Variants in LHFPL3 observed in about 807,000 individuals in gnomAD.
LHFPL3 encodes the protein LHFPL tetraspan subfamily member 3 protein.
Under a neutral mutation model 19.3 loss-of-function variants are expected in LHFPL3, and 5 were observed. The observed-to-expected ratio is 0.26, with a 90% confidence interval of 0.14 to 0.54. The LOEUF is 0.54. LHFPL3 is among the 20% of genes least tolerant of loss of function. The pLI, the probability that LHFPL3 is intolerant of heterozygous loss-of-function variation, is 0.94. For missense variants in LHFPL3, 249 were observed against 307.4 expected (o/e 0.81, Z 1.42); for synonymous variants, 133 against 126.2 (o/e 1.05, Z -0.36).
intron 1 of LHFPL3, among the ~76,000 whole-genome samples, chr7:104,417,559 G>T (rs919814184): frequency 6.6e-6 from 1 of 152,074 alleles, no homozygotes; most frequent in African/African-American, 2.4e-5. Context: ...GTTTTTTAAA[G>T]AATATATTTA....
At chr7:104,558,621 T>A (rs1789915652) in intron 1 of LHFPL3, among the ~76,000 whole-genome samples, 2 of 151,004 alleles carry the variant, frequency 1.3e-5, no homozygotes, top group African/African-American at 4.9e-5. Context: ...TTCTCCCGTT[T>A]TGTAGGTTGC....
chr7:104,540,739 G>A (rs1794470560), intron 1 of LHFPL3, among the ~76,000 whole-genome samples: 1 of 152,062 alleles, frequency 6.6e-6, no homozygotes, highest in African/African-American at 2.4e-5. Context: ...TCTTTCAGGT[G>A]GGGAAACTGA....
rs1444049670 is a variant in LHFPL3, at chr7:104,845,488, T to C, written c.683-60699T>C. The C allele has an allele frequency of 5.3e-6, 8 of 1,515,314 alleles. No homozygotes were observed. The East Asian group carries it at 2.0e-4, about 38-fold the overall frequency. 93.9% of individuals were successfully genotyped at this position (1,515,314 alleles called of 1,614,324 possible). A position where few individuals can be genotyped will look rare whatever the true frequency, so the allele number is the denominator to read the frequency against. On this transcript the variant is annotated intron_variant, in intron 2 of 2. Coordinates refer to ENST00000424859, the MANE Select transcript of LHFPL3 (RefSeq NM_199000.3). ...TGTTTTGTGCGCTTCTGCCTTCTGT[T>C]CCCGCATGTTTTCTCCGCTGTTTTC...
chr7:104,637,261 T>C (rs1043297529), intron 1 of LHFPL3, among the ~76,000 whole-genome samples: 2 of 152,220 alleles, frequency 1.3e-5, no homozygotes, highest in African/African-American at 4.8e-5. Flanking sequence ...TTTAAGTTCC[T>C]CATAGATTCT....
intron 1 of LHFPL3, among the ~76,000 whole-genome samples, chr7:104,731,208 G>C (rs1051545569): frequency 6.6e-6 from 1 of 152,164 alleles, no homozygotes; most frequent in Non-Finnish European, 1.5e-5. Context: ...TTTTGGCTTA[G>C]GATTGACTTG....
chr7:104,466,492 A>C lies in LHFPL3; in HGVS notation c.445+137268A>C, dbSNP rs80095325. 5.4e-3 allele frequency among the ~76,000 whole-genome samples: 828 copies of C among 152,338 alleles called. 48 individuals carry two copies. The East Asian group carries it at 0.13, about 24-fold the overall frequency. ...ACGTATATTGGTGCTACTACTAAAA[A>C]TATCTAGTAACTGGAAAATAATCTG... On this transcript the variant is annotated intron_variant, in intron 1 of 2. Coordinates refer to ENST00000424859, the MANE Select transcript of LHFPL3 (RefSeq NM_199000.3).
intron 2 of LHFPL3, among the ~76,000 whole-genome samples, chr7:104,811,837 C>T (rs1358105459): frequency 2.0e-5 from 3 of 152,178 alleles, no homozygotes; most frequent in Non-Finnish European, 4.4e-5. Context: ...TTATTGCTGT[C>T]ACCTCTAGCT....
intron 1 of LHFPL3, among the ~76,000 whole-genome samples, chr7:104,588,193 T>C (rs1584420520): frequency 1.3e-5 from 2 of 152,328 alleles, no homozygotes; most frequent in African/African-American, 4.8e-5. Context: ...TCCTTGCCCA[T>C]GCCTATGTCC....
chr7:104,398,221 G>T (rs1562885733), intron 1 of LHFPL3, among the ~76,000 whole-genome samples: 1 of 152,168 alleles, frequency 6.6e-6, no homozygotes, highest in Non-Finnish European at 1.5e-5. Flanking sequence ...CAAGTTCATG[G>T]TACTCTTTCC....
At chr7:104,444,414 A>G (rs1458909938) in intron 1 of LHFPL3, among the ~76,000 whole-genome samples, 1 of 152,204 alleles carries the variant, frequency 6.6e-6, no homozygotes, top group Non-Finnish European at 1.5e-5. Flanking sequence ...TGCCTTGAAC[A>G]TGTTTTAGAA....
chr7:104,894,129 C>G (rs954549524), intron 2 of LHFPL3, among the ~76,000 whole-genome samples: 1 of 152,104 alleles, frequency 6.6e-6, no homozygotes, highest in Non-Finnish European at 1.5e-5. Flanking sequence ...ACAGCAGAGC[C>G]GGACCTAATC....
intron 1 of LHFPL3, among the ~76,000 whole-genome samples, chr7:104,608,618 C>T (rs1157840278): frequency 6.6e-6 from 1 of 151,676 alleles, no homozygotes; most frequent in African/African-American, 2.4e-5. Context: ...GCACATTGTG[C>T]ACATGTACCC....
At chr7:104,417,749 A>AGAGTTATGT (rs145971417) in intron 1 of LHFPL3, among the ~76,000 whole-genome samples, 1 of 152,098 alleles carries the variant, frequency 6.6e-6, no homozygotes. Context: ...TTAAGACATA[A>AGAGTTATGT]CTAATATGCA....
At chr7:104,616,909 A>G (rs1446590677) in intron 1 of LHFPL3, among the ~76,000 whole-genome samples, 1 of 152,264 alleles carries the variant, frequency 6.6e-6, no homozygotes, top group East Asian at 1.9e-4. Flanking sequence ...AAAGGTCATC[A>G]TCACTGGTCA....
At chr7:104,488,762 C>T (rs1259058455) in intron 1 of LHFPL3, among the ~76,000 whole-genome samples, 1 of 152,142 alleles carries the variant, frequency 6.6e-6, no homozygotes, top group Non-Finnish European at 1.5e-5. Flanking sequence ...GAATCACAGC[C>T]ACAAGGACGC....
At chr7:104,473,473 C>G (rs1792950096) in intron 1 of LHFPL3, among the ~76,000 whole-genome samples, 2 of 152,210 alleles carry the variant, frequency 1.3e-5, no homozygotes, top group Non-Finnish European at 1.5e-5. Context: ...TTCTCCCTGT[C>G]TCATTATTTA....
chr7:104,519,313 C>T (rs1055090395), intron 1 of LHFPL3, among the ~76,000 whole-genome samples: 2 of 152,046 alleles, frequency 1.3e-5, no homozygotes, highest in Non-Finnish European at 2.9e-5. Flanking sequence ...CCTGCTCTGG[C>T]TGAAGGTGAT....
intron 1 of LHFPL3, among the ~76,000 whole-genome samples, chr7:104,649,870 G>A (rs909179736): frequency 6.6e-6 from 1 of 152,150 alleles, no homozygotes; most frequent in Non-Finnish European, 1.5e-5. Flanking sequence ...AAGAAGCATG[G>A]TCAGTTGTTT....
intron 1 of LHFPL3, among the ~76,000 whole-genome samples, chr7:104,636,196 A>T (rs1165993366): frequency 2.0e-5 from 3 of 152,088 alleles, no homozygotes; most frequent in African/African-American, 7.2e-5. Context: ...ACCATAAAGG[A>T]AATTAAGAGC....
Sources: gnomAD v4.1 joint callset for allele counts (sites outside exome capture counted in the v4.1 genomes callset) on GRCh38, gnomAD v4.1.1 for gene constraint, MANE v1.5 for transcripts, NCBI Gene and HGNC (gene_info 2026-07-23, HGNC 2026-07-21) for gene names.